The following TENM4 variants were observed in gnomAD, a reference collection of about 807,000 sequenced individuals.
TENM4 encodes teneurin transmembrane protein 4.
In TENM4, 82 loss-of-function variants were observed where a neutral mutation model predicts 243.3. That is an observed-to-expected ratio of 0.34 (90% confidence interval 0.28 to 0.40). The LOEUF (loss-of-function observed/expected upper bound fraction) is 0.40. TENM4 is among the 10% of genes least tolerant of loss of function. TENM4 has a pLI of 1.00. For synonymous variants in TENM4, 1,412 were observed against 1,456.3 expected, an observed-to-expected ratio of 0.97 and a Z score of 0.69; for missense variants, 3,138 against 3,673.3, an observed-to-expected ratio of 0.85 and a Z score of 3.77.
At chr11:78,900,179 T>G (rs998200715) in intron 7 of TENM4, among the ~76,000 whole-genome samples, 5 of 152,228 alleles carry the variant, frequency 3.3e-5, no homozygotes, top group Admixed American at 1.3e-4. Context: ...ACTGGATGTT[T>G]CCAAAGCCAC....
intron 6 of TENM4, among the ~76,000 whole-genome samples, chr11:79,060,932 C>T (rs565824314): frequency 6.6e-6 from 1 of 152,214 alleles, no homozygotes; most frequent in Non-Finnish European, 1.5e-5. Flanking sequence ...GATCCGAGTT[C>T]TCATCACAAG....
chr11:79,044,729 A>G (rs891529710), intron 6 of TENM4, among the ~76,000 whole-genome samples: 1 of 152,160 alleles, frequency 6.6e-6, no homozygotes, highest in Non-Finnish European at 1.5e-5. Context: ...GGGTGAATAT[A>G]ACAACATCTC....
intron 2 of TENM4, among the ~76,000 whole-genome samples, chr11:79,267,466 A>G (rs978238160): frequency 1.3e-5 from 2 of 152,222 alleles, no homozygotes; most frequent in Non-Finnish European, 2.9e-5. Context: ...GATGCTAGGT[A>G]AACTATATAG....
intron 1 of TENM4, among the ~76,000 whole-genome samples, chr11:79,363,828 A>G (rs80257513): frequency 1.5e-4 from 23 of 152,332 alleles, no homozygotes; most frequent in African/African-American, 4.8e-4. Context: ...AGTATATCCT[A>G]TACATTTCAT....
intron 4 of TENM4, among the ~76,000 whole-genome samples, chr11:79,130,182 AG>A (rs1362959162): frequency 6.6e-6 from 1 of 152,174 alleles, no homozygotes; most frequent in East Asian, 1.9e-4. Flanking sequence ...CCATAGGAAA[AG>A]GGGGAGAGTA....
intron 1 of TENM4, among the ~76,000 whole-genome samples, chr11:79,371,878 A>G (rs950403746): frequency 6.6e-6 from 1 of 152,200 alleles, no homozygotes; most frequent in Non-Finnish European, 1.5e-5. Context: ...GCTACCTTTT[A>G]TCCTGATGAT....
chr11:78,926,643 C>T (rs1481175006), intron 6 of TENM4, among the ~76,000 whole-genome samples: 2 of 149,582 alleles, frequency 1.3e-5, no homozygotes, highest in Non-Finnish European at 3.0e-5. Flanking sequence ...ATATCACTTT[C>T]ATTTAGAAAT....
At chr11:78,692,071 G>A (rs1355047005) in intron 28 of TENM4, among the ~76,000 whole-genome samples, 4 of 152,102 alleles carry the variant, frequency 2.6e-5, no homozygotes, top group South Asian at 2.1e-4. Flanking sequence ...CCTGGAAGGG[G>A]CAGTTCTCTG....
At chr11:79,335,101 G>A (rs2135451139) in intron 1 of TENM4, among the ~76,000 whole-genome samples, 1 of 152,358 alleles carries the variant, frequency 6.6e-6, no homozygotes, top group African/African-American at 2.4e-5. Context: ...CACAGGGTTT[G>A]TTACAATCCT....
chr11:79,172,403 C>T (rs1246184705), intron 3 of TENM4, among the ~76,000 whole-genome samples: 1 of 152,114 alleles, frequency 6.6e-6, no homozygotes, highest in Non-Finnish European at 1.5e-5. Context: ...TCAACCAATC[C>T]CCCAAACCAG....
intron 3 of TENM4, among the ~76,000 whole-genome samples, chr11:79,211,593 G>A (rs1438677936): frequency 6.6e-6 from 1 of 152,090 alleles, no homozygotes; most frequent in Non-Finnish European, 1.5e-5. Context: ...AACGTTGAAG[G>A]GATTTGCCAA....
intron 1 of TENM4, among the ~76,000 whole-genome samples, chr11:79,412,466 G>A (rs1858721492): frequency 6.6e-6 from 1 of 152,150 alleles, no homozygotes; most frequent in Non-Finnish European, 1.5e-5. Context: ...GCTAACAGTA[G>A]ACTCTAGAGC....
chr11:78,684,218 C>G (rs949221), intron 29 of TENM4, among the ~76,000 whole-genome samples: 90,215 of 152,054 alleles, frequency 0.59, 28,127 homozygotes, highest in Non-Finnish European at 0.71. Context: ...CTTGGCTTTG[C>G]AGCCAGGCTA....
intron 7 of TENM4, among the ~76,000 whole-genome samples, chr11:78,893,259 G>A (rs76985198): frequency 6.6e-6 from 1 of 152,204 alleles, no homozygotes; most frequent in Non-Finnish European, 1.5e-5. Flanking sequence ...TGGGAGGCCT[G>A]GTGGCCCAAT....
At chr11:79,240,055 C>G (rs2135279259) in intron 2 of TENM4, among the ~76,000 whole-genome samples, 1 of 152,256 alleles carries the variant, frequency 6.6e-6, no homozygotes, top group South Asian at 2.1e-4. Flanking sequence ...TGCTCTAGAG[C>G]CAGGCTGCCT....
chr11:79,409,287 C>T (rs998703338), intron 1 of TENM4, among the ~76,000 whole-genome samples: 3 of 151,412 alleles, frequency 2.0e-5, no homozygotes, highest in African/African-American at 7.3e-5. Flanking sequence ...AACACTTGGG[C>T]ACATTTTAGA....
At chr11:79,055,051 C>T (rs1020646486) in intron 6 of TENM4, among the ~76,000 whole-genome samples, 26 of 150,262 alleles carry the variant, frequency 1.7e-4, no homozygotes, top group Admixed American at 8.0e-4. Context: ...TGCTTGAACC[C>T]AGGATGCAGA....
At chr11:79,087,079 C>T (rs1164657240) in intron 4 of TENM4, among the ~76,000 whole-genome samples, 2 of 152,144 alleles carry the variant, frequency 1.3e-5, no homozygotes, top group African/African-American at 2.4e-5. Flanking sequence ...AGCTTCTGTC[C>T]TTGCAAATGT....
chr11:79,009,238 G>C (rs929004135), intron 6 of TENM4, among the ~76,000 whole-genome samples: 3 of 152,184 alleles, frequency 2.0e-5, no homozygotes, highest in African/African-American at 7.2e-5. Flanking sequence ...CTCATGTTTA[G>C]TTGTACAATG....
Sources: gnomAD v4.1 joint callset for allele counts (sites outside exome capture counted in the v4.1 genomes callset) on GRCh38, gnomAD v4.1.1 for gene constraint, MANE v1.5 for transcripts, NCBI Gene and HGNC (gene_info 2026-07-23, HGNC 2026-07-21) for gene names.